GAA: variants seen among roughly 807,000 people sequenced by gnomAD.
GAA encodes the protein alpha glucosidase.
GAA carries 88 observed loss-of-function variants against 103.9 expected under a neutral mutation model. The observed-to-expected ratio is 0.85, with a 90% confidence interval of 0.71 to 1.01. GAA has a LOEUF of 1.01. GAA is among the 50% of genes least tolerant of loss of function. The probability of loss-of-function intolerance (pLI) is 0.00; values close to 1 mark genes in which losing one functional copy is unlikely to be tolerated. For synonymous variants in GAA, 572 were observed against 563.1 expected (o/e 1.02, Z -0.22); for missense variants, 1,350 against 1,305.3 (o/e 1.03, Z -0.53).
chr17:80,118,212 C>G lies in GAA; in HGVS notation c.2501C>G (p.Thr834Arg), dbSNP rs2039401945. The change falls in exon 18 of 20, where the codon ACA (threonine) becomes AGA (arginine). Residue 834 changes from threonine to arginine, a missense_variant. Thr to Arg is a moderately conservative substitution (Grantham distance 71). Transcript: ENST00000302262. ...IPLQGPGLTT[T>R]ESRQQPMALA... ...TTCCAGGGCCCTGGCCTCACAACCA[C>G]AGAGTCCCGCCAGCAGCCCATGGCC... The G allele has an allele frequency of 1.9e-6, 3 of 1,613,022 alleles. No homozygotes were observed. The highest frequency in any genetic ancestry group is 2.5e-6 in the Non-Finnish European group (3 of 1,179,876).
intron 15 of GAA, 137 bp from the exon 16 acceptor site, chr17:80,116,831 G>A (rs2039361444): frequency 4.4e-6 from 4 of 916,460 alleles, no homozygotes; most frequent in Non-Finnish European, 5.3e-6. Flanking sequence ...CGTCTGACCT[G>A]AGTCCTCCAA....
In GAA at chr17:80,107,715, C is replaced by T. The variant is rs147569830; in HGVS notation, c.851C>T (p.Ala284Val). The T allele has an allele frequency of 2.3e-5, 36 of 1,599,266 alleles. No homozygotes were observed. In the South Asian group the frequency reaches 3.0e-4, roughly 13 times the overall value. The change falls in exon 4 of 20, where the codon GCG (alanine) becomes GTG (valine). Residue 284 changes from alanine (A) to valine (V), a missense_variant. Physicochemically the swap from Ala to Val is moderately conservative, Grantham distance 64. Coordinates refer to ENST00000302262, the MANE Select transcript of GAA (RefSeq NM_000152.5). Reference protein sequence around the residue: ...TRITLWNRDLAPTPGANLYGS... With the variant: ...TRITLWNRDLVPTPGANLYGS... ...ATCACCCTGTGGAACCGGGACCTTG[C>T]GCCCACGGTACAGCGGCGGGCGGCG... is the stretch of plus-strand genomic sequence containing the variant.
At chr17:80,111,693 G>A (rs1029571435) in intron 11 of GAA, 2 of 489,088 alleles carry the variant, frequency 4.1e-6, no homozygotes, top group African/African-American at 3.9e-5. Flanking sequence ...AAACAGGCAG[G>A]GGAGTGCTTG....
chr17:80,107,098 T>C (rs903475170), intron 3 of GAA, among the ~76,000 whole-genome samples: 7 of 152,158 alleles, frequency 4.6e-5, no homozygotes, highest in Non-Finnish European at 1.0e-4. Flanking sequence ...TCGGAGGTGC[T>C]GTTTGCCTTG....
chr17:80,113,293 C>A lies in GAA; in HGVS notation c.2116C>A (p.Leu706Ile). ...RKALTLRYALLPHLYTLFHQA... is the reference protein window; with the variant it reads ...RKALTLRYALIPHLYTLFHQA... ...GGCCCTCACCCTGCGCTACGCACTC[C>A]TCCCCCACCTCTACACACTGTTCCA... Residue 706 changes from leucine (L) to isoleucine (I), a missense_variant, in exon 15 of 20, where the codon CTC becomes ATC. Coordinates refer to ENST00000302262, the MANE Select transcript of GAA (RefSeq NM_000152.5). 1 of 1,598,960 alleles carries A rather than the reference C, an allele frequency of 6.3e-7. No individual in the cohort carries two copies. Among genetic ancestry groups the A allele is most frequent in the Non-Finnish European group, 8.5e-7 (1 of 1,173,190 alleles).
Position 80,104,711 on chromosome 17 carries a change from T to C in GAA, c.125T>C (p.Leu42Pro). The C allele has an allele frequency of 6.2e-7, 1 of 1,612,970 alleles. No individual in the cohort carries two copies. Among genetic ancestry groups the C allele is most frequent in the Non-Finnish European group, 8.5e-7 (1 of 1,179,864 alleles). ...LHDFLLVPRE[L>P]SGSSPVLEET... ...GATTTCCTGCTGGTTCCCCGAGAGC[T>C]GAGTGGCTCCTCCCCAGTCCTGGAG... The change falls in exon 2 of 20, where the codon CTG (leucine) becomes CCG (proline). Residue 42 changes from leucine (L) to proline (P), a missense_variant. Physicochemically the swap from Leu to Pro is moderately conservative, Grantham distance 98. Transcript: ENST00000302262. The surrounding 1 kb of genome is among the most constrained non-coding windows in gnomAD (Gnocchi z 4.0).
chr17:80,107,237 TC>T (rs2039108277), intron 3 of GAA, among the ~76,000 whole-genome samples: 1 of 152,132 alleles, frequency 6.6e-6, no homozygotes, highest in Non-Finnish European at 1.5e-5. Context: ...TTGCTTGGGG[TC>T]ATGGGACAGG....
rs1351247900 is a variant in GAA at position 80,110,994 on chromosome 17, C to A, written c.1605C>A (p.Asn535Lys). The change falls in exon 11 of 20, where the codon AAC (asparagine) becomes AAA (lysine). Residue 535 changes from asparagine to lysine, a missense_variant. Asn to Lys is a moderately conservative substitution (Grantham distance 94). Transcript: ENST00000302262. ...FIRGSEDGCP[N>K]NELENPPYVP... ...GGGGCTCTGAGGACGGCTGCCCCAA[C>A]AATGAGCTGGAGAACCCACCCTACG... is the stretch of plus-strand genomic sequence containing the variant. The A allele has an allele frequency of 4.3e-6, 7 of 1,613,924 alleles. No individual in the cohort carries two copies. The highest frequency in any genetic ancestry group is 5.9e-6 in the Non-Finnish European group (7 of 1,179,988).
intron 3 of GAA, 103 bp downstream of exon 3, chr17:80,105,997 GAC>G: frequency 2.1e-6 from 3 of 1,446,302 alleles, no homozygotes; most frequent in Non-Finnish European, 2.8e-6. Flanking sequence ...TGGGCAGGGC[GAC>G]ACATGTTTGT....
intron 9 of GAA, among the ~76,000 whole-genome samples, chr17:80,110,436 G>A (rs1005030593): frequency 6.6e-5 from 10 of 152,318 alleles, no homozygotes; most frequent in Admixed American, 2.6e-4. Flanking sequence ...GCACGGGGCC[G>A]TCTCCGCTGC....
chr17:80,104,970 C>A lies in GAA; in HGVS notation c.384C>A (p.Phe128Leu). ...QGAQMGQPWC[F>L]FPPSYPSYKL... ...CCCAGATGGGGCAGCCCTGGTGCTT[C>A]TTCCCACCCAGCTACCCCAGCTACA... Residue 128 changes from phenylalanine to leucine, a missense_variant, in exon 2 of 20, where the codon TTC (phenylalanine) becomes TTA (leucine). Coordinates refer to ENST00000302262, the MANE Select transcript of GAA (RefSeq NM_000152.5). The surrounding 1 kb of genome is among the most constrained non-coding windows in gnomAD (Gnocchi z 4.0). 6.2e-7 allele frequency: 1 copy of A among 1,612,684 alleles called. No homozygotes were observed. Among genetic ancestry groups the A allele is most frequent in the Non-Finnish European group, 8.5e-7 (1 of 1,179,910 alleles).
Position 80,118,357 on chromosome 17 carries a change from T to C in GAA, c.2646T>C (p.Asn882=), listed in dbSNP as rs2143931021. 2 of 1,560,158 alleles carry C rather than the reference T, an allele frequency of 1.3e-6. No homozygotes were observed. Among genetic ancestry groups the C allele is most frequent in the Non-Finnish European group, 1.7e-6 (2 of 1,151,318 alleles). ...AYTQVIFLAR[N]NTIVNELVRV... ...CACAGGTCATCTTCCTGGCCAGGAA[T>C]GTGAGTCCTGGGGCTGCTCAGGCTG... is the stretch of plus-strand genomic sequence containing the variant. Residue 882 remains asparagine, a splice_region_variant and synonymous_variant, in exon 18 of 20, where the codon AAT becomes AAC. Coordinates refer to ENST00000302262, the MANE Select transcript of GAA (RefSeq NM_000152.5).
At position 80,110,751 on chromosome 17, in the gene GAA, C is replaced by T; in HGVS notation, c.1462C>T (p.Pro488Ser). 6.2e-7 allele frequency: 1 copy of T among 1,614,126 alleles called. No individual in the cohort carries two copies. Among genetic ancestry groups the T allele is most frequent in the South Asian group, 1.1e-5 (1 of 91,082 alleles). Residue 488 changes from proline (P) to serine (S), a missense_variant, in exon 10 of 20, where the codon CCC becomes TCC. Transcript: ENST00000302262. ...GKVWPGSTAFPDFTNPTALAW... is the reference protein window; with the variant it reads ...GKVWPGSTAFSDFTNPTALAW... ...GGTATGGCCCGGGTCCACTGCCTTC[C>T]CCGACTTCACCAACCCCACAGCCCT... is the stretch of plus-strand genomic sequence containing the variant.
In GAA at chr17:80,103,762, C is replaced by G. The variant is rs55666739; in HGVS notation, c.-32-793C>G. Reference sequence around the variant, plus strand: ...CGGGAGGGGTTCTGATCTGCAAAGTCGCCAGAGGTTAAGTCCTTTCTCTCT... The same window carrying G: ...CGGGAGGGGTTCTGATCTGCAAAGTGGCCAGAGGTTAAGTCCTTTCTCTCT... On this transcript the variant is annotated intron_variant, in intron 1 of 19. Transcript: ENST00000302262. Among the ~76,000 whole-genome samples the G allele has an allele frequency of 0.024, 3,668 of 152,240 alleles. 92 individuals carry two copies. Among genetic ancestry groups the G allele is most frequent in the African/African-American group, 0.067 (2,771 of 41,506 alleles).
At position 80,107,570 on chromosome 17, in the gene GAA, G is replaced by T. The variant is rs777964427; in HGVS notation, c.706G>T (p.Val236Leu). Reference protein sequence around the residue: ...LDGRVLLNTTVAPLFFADQFL... With the variant: ...LDGRVLLNTTLAPLFFADQFL... The stretch of plus-strand genomic sequence containing the variant: ...TCTGTCCCGCAGGCTGAACACGACG[G>T]TGGCGCCCCTGTTCTTTGCGGACCA... Residue 236 changes from valine (V) to leucine (L), a missense_variant, in exon 4 of 20, where the codon GTG becomes TTG. Physicochemically the swap from Val to Leu is conservative, Grantham distance 32. Coordinates refer to ENST00000302262, the MANE Select transcript of GAA (RefSeq NM_000152.5). 1.2e-6 allele frequency: 2 copies of T among 1,613,088 alleles called. No individual in the cohort carries two copies. Among genetic ancestry groups the T allele is most frequent in the East Asian group, 2.2e-5 (1 of 44,878 alleles).
intron 12 of GAA, 112 bp from the exon 13 acceptor site, chr17:80,112,466 A>C: frequency 2.9e-6 from 4 of 1,371,218 alleles, no homozygotes; most frequent in Non-Finnish European, 3.1e-6. Context: ...CCTCCTCCCC[A>C]GCCTCTGCCT....
At position 80,110,708 on chromosome 17, in the gene GAA, G is replaced by A; in HGVS notation, c.1438-19G>A. ...CTGGGTGGGGCCGGGTCTCCCCACTGCAGCCTCTCGTTGTCCAGGTATGGC... is the reference window on the plus strand; with the variant it reads ...CTGGGTGGGGCCGGGTCTCCCCACTACAGCCTCTCGTTGTCCAGGTATGGC... On this transcript the variant is annotated intron_variant, in intron 9 of 19. Transcript: ENST00000302262. 2 of 1,610,626 alleles carry A rather than the reference G, an allele frequency of 1.2e-6. No homozygotes were observed. The highest frequency in any genetic ancestry group is 1.8e-4 in the Middle Eastern group (1 of 5,630).
chr17:80,118,931 TG>T lies in GAA; in HGVS notation c.2799+130del, dbSNP rs1175446083. The T allele has an allele frequency of 4.1e-5, 48 of 1,181,174 alleles. No homozygotes were observed. The Middle Eastern group carries it at 7.9e-4, about 20-fold the overall frequency. The allele number at this position is 1,181,174 out of a possible 1,614,324, so 73.2% of individuals were successfully genotyped here. ...TGCTGGGACCTCCCAAGGGGGTCTT[TG>T]GGGAGGAGTGGGAAGGGTCAGGCCA... On this transcript the variant is annotated intron_variant, in intron 19 of 19. Transcript: ENST00000302262.
At position 80,108,755 on chromosome 17, in the gene GAA, A is replaced by G. The variant is rs2039159106; in HGVS notation, c.1253A>G (p.Lys418Arg). The change falls in exon 8 of 20, where the codon AAG becomes AGG. Residue 418 changes from lysine (K) to arginine (R), a missense_variant. Lys to Arg is a conservative substitution (Grantham distance 26, BLOSUM62 2). Transcript: ENST00000302262. ...TCCCGGAGGGACTTCACGTTCAACA[A>G]GGATGGCTTCCGGGACTTCCCGGCC... is the stretch of plus-strand genomic sequence containing the variant. ...MDSRRDFTFN[K>R]DGFRDFPAMV... is the part of the protein sequence containing the mutation. 6.2e-7 allele frequency: 1 copy of G among 1,611,902 alleles called. No homozygotes were observed. The highest frequency in any genetic ancestry group is 8.5e-7 in the Non-Finnish European group (1 of 1,179,492).
Sources: gnomAD v4.1 joint callset for allele counts (sites outside exome capture counted in the v4.1 genomes callset) on GRCh38, gnomAD v4.1.1 for gene constraint, Gnocchi (gnomAD v3.1) non-coding constraint, MANE v1.5 for transcripts, NCBI Gene and HGNC (gene_info 2026-07-23, HGNC 2026-07-21) for gene names.